The following FGD3 variants were observed in gnomAD, a reference collection of about 807,000 sequenced individuals.
The protein encoded by FGD3 is FYVE, RhoGEF and PH domain-containing protein 3.
A neutral mutation model predicts 71.8 loss-of-function variants in FGD3; 45 were observed. The ratio of observed to expected loss-of-function variants is 0.63; its 90% confidence interval spans 0.49 to 0.80. The LOEUF (loss-of-function observed/expected upper bound fraction) is 0.80, where lower values mean the gene tolerates loss of function less well. Among genes scored for constraint, FGD3 ranks in the 30% least tolerant of loss-of-function variants. The pLI is 0.00. For missense variants in FGD3, 844 were observed against 951.5 expected, an observed-to-expected ratio of 0.89 and a Z score of 1.49; for synonymous variants, 378 against 392.8, an observed-to-expected ratio of 0.96 and a Z score of 0.44.
chr9:92,991,139 C>T (rs989778858), intron 3 of FGD3, among the ~76,000 whole-genome samples: 17 of 152,032 alleles, frequency 1.1e-4, no homozygotes, highest in African/African-American at 3.6e-4. Flanking sequence ...AGTGCAGTGG[C>T]GCAATCTTGG....
chr9:92,956,509 G>T (rs1473363471), intron 1 of FGD3, among the ~76,000 whole-genome samples: 1 of 152,196 alleles, frequency 6.6e-6, no homozygotes, highest in Non-Finnish European at 1.5e-5. Context: ...AAGAGCTGAG[G>T]ACTCACAGAG....
chr9:92,992,704 G>C (rs1262200578), intron 3 of FGD3, among the ~76,000 whole-genome samples: 1 of 152,174 alleles, frequency 6.6e-6, no homozygotes, highest in Non-Finnish European at 1.5e-5. Context: ...AGTAGCTACT[G>C]CCTGGAGCAT....
rs1862292825 is a variant in FGD3 at position 93,029,956 on chromosome 9, C to G, written c.1640C>G (p.Ser547Cys). Residue 547 changes from serine to cysteine, a missense_variant, in exon 15 of 18, where the codon TCC (serine) becomes TGC (cysteine). By Grantham distance (112) the Ser-to-Cys change is moderately radical. Transcript: ENST00000375482. The stretch of plus-strand genomic sequence containing the variant: ...AAGAGCTGTGGTGAGACCTTCAACT[C>G]CATCACCAAGAGGAGGCATCACTGC... ...SCKSCGETFN[S>C]ITKRRHHCKL... 5 of 1,613,468 alleles carry G rather than the reference C, an allele frequency of 3.1e-6. No individual in the cohort carries two copies. The highest frequency in any genetic ancestry group is 3.4e-6 in the Non-Finnish European group (4 of 1,179,688).
At chr9:93,033,084 C>T in intron 16 of FGD3, 4 of 637,344 alleles carry the variant, frequency 6.3e-6, no homozygotes, top group South Asian at 4.9e-5. Context: ...CAGCCAGGGC[C>T]AAGGCTTGGG....
chr9:92,958,384 C>A (rs947478324), intron 1 of FGD3, among the ~76,000 whole-genome samples: 6 of 152,104 alleles, frequency 3.9e-5, no homozygotes, highest in African/African-American at 1.4e-4. Flanking sequence ...ATTCCCTGAC[C>A]CCACATATTC....
chr9:93,035,389 C>G lies in FGD3; in HGVS notation c.1978C>G (p.Pro660Ala), dbSNP rs768210436. 15 of 1,610,378 alleles carry G rather than the reference C, an allele frequency of 9.3e-6. No homozygotes were observed. Among genetic ancestry groups the G allele is most frequent in the Non-Finnish European group, 1.3e-5 (15 of 1,178,642 alleles). ...IPLPSCKLSVPDPEERLDSGH... is the reference protein window; with the variant it reads ...IPLPSCKLSVADPEERLDSGH... ...TCTCCCCAGCTGCAAACTGAGTGTG[C>G]CGGACCCTGAGGAGAGGCTGGACTC... The change falls in exon 18 of 18, where the codon CCG (proline) becomes GCG (alanine). Residue 660 changes from proline to alanine, a missense_variant. By Grantham distance (27) the Pro-to-Ala change is conservative (BLOSUM62 -1). Coordinates refer to ENST00000375482, the MANE Select transcript of FGD3 (RefSeq NM_001083536.2).
intron 6 of FGD3, among the ~76,000 whole-genome samples, chr9:93,008,041 C>A (rs750482017): frequency 2.6e-5 from 4 of 152,192 alleles, no homozygotes; most frequent in African/African-American, 9.7e-5. Flanking sequence ...ATATTTTAAA[C>A]GTTAAACTTT....
At chr9:93,006,354 G>A (rs1489816760) in intron 6 of FGD3, among the ~76,000 whole-genome samples, 174 bp downstream of exon 6, 1 of 152,190 alleles carries the variant, frequency 6.6e-6, no homozygotes, top group African/African-American at 2.4e-5. Flanking sequence ...GTGCCCAGAT[G>A]TTCTGTTGAT....
At chr9:92,966,359 C>A (rs1859325172) in intron 1 of FGD3, among the ~76,000 whole-genome samples, 1 of 152,226 alleles carries the variant, frequency 6.6e-6, no homozygotes, top group South Asian at 2.1e-4. Flanking sequence ...ACGTGAGCTT[C>A]CCCACTCCCT....
At position 93,003,872 on chromosome 9, in the gene FGD3, A is replaced by C; in HGVS notation, c.544-129A>C. ...GAAAAGGGAGGACAATAATTCTGAAATTCATTAAGAAAACACAAGGTGGCA... is the reference window on the plus strand; with the variant it reads ...GAAAAGGGAGGACAATAATTCTGAACTTCATTAAGAAAACACAAGGTGGCA... On this transcript the variant is annotated intron_variant, in intron 4 of 17. Transcript: ENST00000375482. This position sits in a 1 kb window ranked among gnomAD's most constrained non-coding sequence, Gnocchi z 4.1. 1 of 1,127,470 alleles carries C rather than the reference A, an allele frequency of 8.9e-7. No individual in the cohort carries two copies. The highest frequency in any genetic ancestry group is 1.4e-5 in the South Asian group (1 of 70,488). The allele number at this position is 1,127,470 out of a possible 1,614,324, so 69.8% of individuals were successfully genotyped here.
intron 1 of FGD3, among the ~76,000 whole-genome samples, chr9:92,952,802 T>C (rs1469647989): frequency 6.6e-6 from 1 of 152,094 alleles, no homozygotes; most frequent in Non-Finnish European, 1.5e-5. Context: ...ATAGTGCTGC[T>C]GTGATCACCC....
intron 9 of FGD3, 102 bp downstream of exon 9, chr9:93,014,100 C>A: frequency 2.1e-6 from 3 of 1,399,470 alleles, no homozygotes; most frequent in Non-Finnish European, 2.8e-6. Context: ...GGACATGGCT[C>A]TTCTGTGGCC....
chr9:93,024,597 G>C (rs927225830), intron 14 of FGD3, among the ~76,000 whole-genome samples: 5 of 152,262 alleles, frequency 3.3e-5, no homozygotes, highest in African/African-American at 1.2e-4. Flanking sequence ...TCTGTCCTTG[G>C]TGTGAGCCCA....
At chr9:93,004,176 T>G in intron 5 of FGD3, 39 bp downstream of exon 5, 1 of 1,609,522 alleles carries the variant, frequency 6.2e-7, no homozygotes, top group Non-Finnish European at 8.5e-7. Context: ...GCCCCTCAAG[T>G]GTTCTCTAGA....
In FGD3 at chr9:93,033,282, C is replaced by T. The variant is rs377683271; in HGVS notation, c.1785+409C>T. 465 of 166,826 alleles carry T rather than the reference C, an allele frequency of 2.8e-3. 3 individuals are homozygous for T. In the Middle Eastern group the frequency reaches 0.031, roughly 11 times the overall value. 10.3% of individuals were successfully genotyped at this position (166,826 alleles called of 1,614,324 possible). On this transcript the variant is annotated intron_variant, in intron 16 of 17. Coordinates refer to ENST00000375482, the MANE Select transcript of FGD3 (RefSeq NM_001083536.2). ...GCAGGGCCCTGGAGGCAGGCACCCCCTCCTCCTCCTCCCCGTCCCCTTCTC... is the reference window on the plus strand; with the variant it reads ...GCAGGGCCCTGGAGGCAGGCACCCCTTCCTCCTCCTCCCCGTCCCCTTCTC...
At chr9:92,954,336 CCT>C (rs774769199) in intron 1 of FGD3, among the ~76,000 whole-genome samples, 1 of 152,166 alleles carries the variant, frequency 6.6e-6, no homozygotes, top group Non-Finnish European at 1.5e-5. Flanking sequence ...GTGGCTTTCC[CCT>C]GTCTTGTCAG....
chr9:92,980,018 A>G (rs1276501813), intron 3 of FGD3, among the ~76,000 whole-genome samples: 1 of 144,158 alleles, frequency 6.9e-6, no homozygotes, highest in Non-Finnish European at 1.5e-5. Flanking sequence ...ATACATTTAG[A>G]CAATAGAATA....
rs1862572945 is a variant in FGD3 at position 93,035,647 on chromosome 9, TGGTGTTGGA to T, written c.*61_*69del. On this transcript the variant is annotated 3_prime_UTR_variant, in exon 18 of 18. Transcript: ENST00000375482. The stretch of plus-strand genomic sequence containing the variant: ...ATTGGACCTGTGCTGTCCTGGGAGG[TGGTGTTGGA>T]GGCCCCATGAAGAGCGCCCTGGACT... 6.6e-7 allele frequency: 1 copy of T among 1,519,956 alleles called. No homozygotes were observed. The highest frequency in any genetic ancestry group is 1.4e-5 in the African/African-American group (1 of 72,960). 94.2% of individuals were successfully genotyped at this position (1,519,956 alleles called of 1,614,324 possible).
rs563129173 is a variant in FGD3, at chr9:93,005,271, C to T, written c.681-753C>T. On this transcript the variant is annotated intron_variant, in intron 5 of 17. Transcript: ENST00000375482. ...CCAAGTAGCTGGGACTGCAGGCGCC[C>T]GCCACCACACCCGGCTAATTATTTG... Among the ~76,000 whole-genome samples the T allele has an allele frequency of 1.8e-4, 28 of 152,208 alleles. No homozygotes were observed. The East Asian group carries it at 4.6e-3, about 25-fold the overall frequency.
Sources: gnomAD v4.1 joint callset for allele counts (sites outside exome capture counted in the v4.1 genomes callset) on GRCh38, gnomAD v4.1.1 for gene constraint, Gnocchi (gnomAD v3.1) non-coding constraint, MANE v1.5 for transcripts, NCBI Gene and HGNC (gene_info 2026-07-23, HGNC 2026-07-21) for gene names.